NEGR1: variants seen among roughly 807,000 people sequenced by gnomAD.
NEGR1 encodes neuronal growth regulator 1, also known as IgLON family member 4.
Under a neutral mutation model 40.9 loss-of-function variants are expected in NEGR1, and 10 were observed. The observed-to-expected ratio is 0.24, with a 90% CI of 0.15 to 0.42. The LOEUF (loss-of-function observed/expected upper bound fraction) is 0.42, where lower values mean the gene tolerates loss of function less well. Among genes scored for constraint, NEGR1 ranks in the 10% least tolerant of loss-of-function variants. NEGR1 has a pLI of 1.00. For synonymous variants in NEGR1, 185 were observed against 166.8 expected (o/e 1.11, Z -0.84); for missense variants, 352 against 438.9 (o/e 0.80, Z 1.77).
chr1:72,081,330 T>C (rs1647988363), intron 1 of NEGR1, among the ~76,000 whole-genome samples: 2 of 152,026 alleles, frequency 1.3e-5, no homozygotes, highest in Admixed American at 6.6e-5. Context: ...CTTGATAAAG[T>C]TTTCCCACTC....
intron 1 of NEGR1, among the ~76,000 whole-genome samples, chr1:71,961,300 T>A (rs1234967828): frequency 1.3e-5 from 2 of 152,170 alleles, no homozygotes; most frequent in Non-Finnish European, 1.5e-5. Context: ...TCAACTCTGA[T>A]ACATGTTTTA....
intron 4 of NEGR1, among the ~76,000 whole-genome samples, chr1:71,697,046 A>G (rs958028871): frequency 3.3e-5 from 5 of 151,752 alleles, no homozygotes; most frequent in African/African-American, 9.7e-5. Flanking sequence ...TTTGAAAGTT[A>G]TTTTTTGGCC....
At chr1:71,609,103 T>C (rs925176717) in intron 5 of NEGR1, among the ~76,000 whole-genome samples, 1 of 151,800 alleles carries the variant, frequency 6.6e-6, no homozygotes, top group African/African-American at 2.4e-5. Flanking sequence ...AAAAGGCAAA[T>C]TCAGAATTAG....
At chr1:72,022,686 A>AT (rs1646771778) in intron 1 of NEGR1, among the ~76,000 whole-genome samples, 1 of 152,044 alleles carries the variant, frequency 6.6e-6, no homozygotes, top group South Asian at 2.1e-4. Flanking sequence ...ACCAACGCTT[A>AT]TTTTAAAAGT....
intron 4 of NEGR1, among the ~76,000 whole-genome samples, chr1:71,624,595 C>T (rs943163784): frequency 6.6e-6 from 1 of 151,972 alleles, no homozygotes; most frequent in African/African-American, 2.4e-5. Flanking sequence ...CAATATTGGA[C>T]TATTTCAAAT....
intron 3 of NEGR1, among the ~76,000 whole-genome samples, chr1:71,753,120 C>G (rs1482565895): frequency 6.6e-6 from 1 of 151,914 alleles, no homozygotes; most frequent in Non-Finnish European, 1.5e-5. Flanking sequence ...TTCTTTCACT[C>G]AAAAATGCAA....
At chr1:71,875,357 C>G (rs1234132272) in intron 2 of NEGR1, among the ~76,000 whole-genome samples, 1 of 152,098 alleles carries the variant, frequency 6.6e-6, no homozygotes, top group Admixed American at 6.6e-5. Flanking sequence ...ATACAAATGT[C>G]TTAAACTAAA....
intron 2 of NEGR1, among the ~76,000 whole-genome samples, chr1:71,878,547 A>G (rs887066594): frequency 2.6e-5 from 4 of 152,210 alleles, no homozygotes; most frequent in African/African-American, 9.6e-5. Flanking sequence ...TTGAAAAACT[A>G]TTTTTCATCA....
At chr1:71,787,362 T>C (rs1331034727) in intron 2 of NEGR1, among the ~76,000 whole-genome samples, 1 of 152,290 alleles carries the variant, frequency 6.6e-6, no homozygotes, top group African/African-American at 2.4e-5. Flanking sequence ...TGATTACTTA[T>C]GTTGAAAACA....
At chr1:72,087,377 G>A (rs1648263156) in intron 1 of NEGR1, among the ~76,000 whole-genome samples, 1 of 151,902 alleles carries the variant, frequency 6.6e-6, no homozygotes, top group Non-Finnish European at 1.5e-5. Context: ...GTTGCAGTGA[G>A]CCAAGATTGC....
chr1:71,907,187 T>C (rs1466059054), intron 2 of NEGR1, among the ~76,000 whole-genome samples: 1 of 152,158 alleles, frequency 6.6e-6, no homozygotes, highest in Admixed American at 6.6e-5. Context: ...AAGAGATAAC[T>C]CGTTTAAAGA....
chr1:71,776,249 C>T lies in NEGR1; in HGVS notation c.458G>A (p.Gly153Glu), dbSNP rs1391181625. The T allele has an allele frequency of 6.2e-7, 1 of 1,604,512 alleles. No homozygotes were observed. The highest frequency in any genetic ancestry group is 2.2e-5 in the East Asian group (1 of 44,472). The change falls in exon 3 of 7, where the codon GGA becomes GAA. Residue 153 changes from glycine to glutamate, a missense_variant. By Grantham distance (98) the Gly-to-Glu change is moderately conservative (BLOSUM62 -2). Coordinates refer to ENST00000357731, the MANE Select transcript of NEGR1 (RefSeq NM_173808.3). Reference sequence around the variant, plus strand: ...CAAACAAGTAAGAGTGACGTTGGTTCCTTCATTGACGGTCATATCATTTGA... The same window carrying T: ...CAAACAAGTAAGAGTGACGTTGGTTTCTTCATTGACGGTCATATCATTTGA... Reference protein sequence around the residue: ...DISNDMTVNEGTNVTLTCLAT... With the variant: ...DISNDMTVNEETNVTLTCLAT...
At chr1:72,008,216 C>G (rs1298536521) in intron 1 of NEGR1, among the ~76,000 whole-genome samples, 2 of 152,094 alleles carry the variant, frequency 1.3e-5, no homozygotes, top group Non-Finnish European at 2.9e-5. Context: ...TAGCAGTCAT[C>G]ATGTGACCAA....
intron 1 of NEGR1, among the ~76,000 whole-genome samples, chr1:72,280,844 A>C (rs1656217124): frequency 6.6e-6 from 1 of 152,112 alleles, no homozygotes; most frequent in African/African-American, 2.4e-5. Context: ...TAGACATGTC[A>C]TGTACACTGA....
intron 3 of NEGR1, among the ~76,000 whole-genome samples, chr1:71,742,058 C>A (rs936352377): frequency 1.3e-5 from 2 of 152,100 alleles, no homozygotes; most frequent in Non-Finnish European, 2.9e-5. Flanking sequence ...TAAACTATAT[C>A]AAGAAGTAAT....
intron 1 of NEGR1, among the ~76,000 whole-genome samples, chr1:72,186,766 T>C (rs1465216499): frequency 2.0e-5 from 3 of 151,622 alleles, no homozygotes; most frequent in Non-Finnish European, 4.4e-5. Context: ...ACAGGAATGA[T>C]AAATTCTCAT....
intron 1 of NEGR1, among the ~76,000 whole-genome samples, chr1:72,167,556 T>G (rs1380174189): frequency 6.6e-6 from 1 of 152,142 alleles, no homozygotes; most frequent in Non-Finnish European, 1.5e-5. Flanking sequence ...ATGACTACAT[T>G]AATCTAAATA....
rs78205089 is a variant in NEGR1 at position 71,868,224 on chromosome 1, A to G, written c.409+66855T>C. Among the ~76,000 whole-genome samples, 1,167 of 152,218 alleles carry G rather than the reference A, an allele frequency of 7.7e-3. 46 individuals are homozygous for G. The East Asian group carries it at 0.12, about 15-fold the overall frequency. On this transcript the variant is annotated intron_variant, in intron 2 of 6. Coordinates refer to ENST00000357731, the MANE Select transcript of NEGR1 (RefSeq NM_173808.3). ...CACAATATTCCTGGAAAATATTCTC[A>G]TGGCAATAACTGAAAGTAACTACAA...
intron 2 of NEGR1, among the ~76,000 whole-genome samples, chr1:71,859,894 C>CTAT (rs1325568726): frequency 6.6e-6 from 1 of 152,002 alleles, no homozygotes; most frequent in Non-Finnish European, 1.5e-5. Context: ...TGAATGAGGA[C>CTAT]ATTAGCATTA....
Sources: gnomAD v4.1 joint callset for allele counts (sites outside exome capture counted in the v4.1 genomes callset) on GRCh38, gnomAD v4.1.1 for gene constraint, MANE v1.5 for transcripts, NCBI Gene and HGNC (gene_info 2026-07-23, HGNC 2026-07-21) for gene names.